RBM42: variants seen among roughly 807,000 people sequenced by gnomAD.
The protein encoded by RBM42 is RNA binding motif protein 42.
Under a neutral mutation model 41.4 loss-of-function variants are expected in RBM42, and 21 were observed. The observed-to-expected ratio is 0.51, with a 90% CI of 0.36 to 0.73. RBM42 has a LOEUF of 0.73. Among genes scored for constraint, RBM42 ranks in the 30% least tolerant of loss-of-function variants. The pLI is 0.00. For synonymous variants in RBM42, 272 were observed against 271.2 expected (o/e 1.00, Z -0.03); for missense variants, 539 against 680.4 (o/e 0.79, Z 2.31).
At position 35,634,326 on chromosome 19, in the gene RBM42, C is replaced by T. The variant is rs780567018; in HGVS notation, c.1088C>T (p.Ala363Val). The change falls in exon 8 of 10, where the codon GCG becomes GTG. Residue 363 changes from alanine (A) to valine (V), a missense_variant. By Grantham distance (64) the Ala-to-Val change is moderately conservative (BLOSUM62 0). This residue lies in a region of RBM42 where 110 missense variants were observed against 191.5 expected (regional missense o/e 0.57). Transcript: ENST00000262633. ...PEKLKRCIRT[A>V]AGSSWEDPSL... Reference sequence around the variant, plus strand: ...AAATTGAAACGGTGCATTCGCACAGCGGCAGGGAGCAGCTGGGAGGACCCC... The same window carrying T: ...AAATTGAAACGGTGCATTCGCACAGTGGCAGGGAGCAGCTGGGAGGACCCC... The T allele has an allele frequency of 1.3e-5, 21 of 1,614,010 alleles. No homozygotes were observed. The highest frequency in any genetic ancestry group is 4.5e-5 in the East Asian group (2 of 44,882).
chr19:35,631,593 CA>C (rs2146349480), intron 4 of RBM42, 188 bp downstream of exon 4: 1 of 608,332 alleles, frequency 1.6e-6, no homozygotes, highest in African/African-American at 1.8e-5. Flanking sequence ...CTGATCATTG[CA>C]AACCAACCCT....
chr19:35,636,120 C>A (rs1201875920), intron 8 of RBM42, among the ~76,000 whole-genome samples: 2 of 151,760 alleles, frequency 1.3e-5, no homozygotes, highest in Non-Finnish European at 2.9e-5. Flanking sequence ...TTGGGCAAGT[C>A]ACTTAGCCTG....
At position 35,633,145 on chromosome 19, in the gene RBM42, G is replaced by A. The variant is rs778969715; in HGVS notation, c.577G>A (p.Val193Met). Residue 193 changes from valine to methionine, a missense_variant, in exon 6 of 10, where the codon GTG becomes ATG. Coordinates refer to ENST00000262633, the MANE Select transcript of RBM42 (RefSeq NM_024321.5). The stretch of plus-strand genomic sequence containing the variant: ...CCTACGGCCCCCTCACCAGGCCCTC[G>A]TGGGCCCCCCTCTGCCTGGGCCCCC... ...MALRPPHQAL[V>M]GPPLPGPPGP... 1.2e-5 allele frequency: 19 copies of A among 1,576,014 alleles called. No individual in the cohort carries two copies. The highest frequency in any genetic ancestry group is 5.0e-5 in the Admixed American group (3 of 59,878).
In RBM42 at chr19:35,633,032, A is replaced by G. The variant is rs373027340; in HGVS notation, c.508+31A>G. 3.1e-6 allele frequency: 5 copies of G among 1,601,556 alleles called. No individual in the cohort carries two copies. In the African/African-American group the frequency reaches 4.0e-5, roughly 13 times the overall value. On this transcript the variant is annotated intron_variant, in intron 5 of 9. Transcript: ENST00000262633. Reference sequence around the variant, plus strand: ...GGGCCAGGGTCATCATCCCTGCCACATAACTCCCCCCAGGCCCTGGAACTC... The same window carrying G: ...GGGCCAGGGTCATCATCCCTGCCACGTAACTCCCCCCAGGCCCTGGAACTC...
intron 8 of RBM42, 96 bp downstream of exon 8, chr19:35,634,469 T>C: frequency 1.2e-6 from 1 of 837,896 alleles, no homozygotes; most frequent in East Asian, 2.5e-5. Context: ...ACCCTCTCAG[T>C]AGGGTGGGCG....
Position 35,633,979 on chromosome 19 carries a change from C to T in RBM42, c.977C>T (p.Pro326Leu). The change falls in exon 7 of 10, where the codon CCC (proline) becomes CTC (leucine). Residue 326 changes from proline (P) to leucine (L), a missense_variant. Physicochemically the swap from Pro to Leu is moderately conservative, Grantham distance 98. Around this residue, in one of 2 missense-constraint regions of RBM42, gnomAD observed 429 missense variants for 488.9 expected, o/e 0.88. Transcript: ENST00000262633. ...ELLSLRPRPRPPRPEPPPGLM... is the reference protein window; with the variant it reads ...ELLSLRPRPRLPRPEPPPGLM... ...CTGTCCCTGCGTCCTCGGCCCCGGC[C>T]CCCTCGGCCAGAGCCACCCCCAGGC... 4 of 1,537,938 alleles carry T rather than the reference C, an allele frequency of 2.6e-6. No homozygotes were observed. The highest frequency in any genetic ancestry group is 2.6e-6 in the Non-Finnish European group (3 of 1,147,562).
At chr19:35,636,160 T>C (rs1175250164) in intron 8 of RBM42, among the ~76,000 whole-genome samples, 2 of 151,184 alleles carry the variant, frequency 1.3e-5, no homozygotes, top group African/African-American at 4.9e-5. Context: ...TTTGTTTTTT[T>C]TTTTTTTCTT....
In RBM42 at chr19:35,634,062, G is replaced by A. The variant is rs199770280; in HGVS notation, c.1017+43G>A. 106 of 1,468,546 alleles carry A rather than the reference G, an allele frequency of 7.2e-5. No homozygotes were observed. The East Asian group carries it at 2.5e-3, about 34-fold the overall frequency. The allele number at this position is 1,468,546 out of a possible 1,614,324, so 91.0% of individuals were successfully genotyped here. The stretch of plus-strand genomic sequence containing the variant: ...CGGTGAAGGGACAGAAGGGACGGGG[G>A]GCAGACAGGAGCCCAGGAACTTCCA... On this transcript the variant is annotated intron_variant, in intron 7 of 9. Transcript: ENST00000262633.
intron 2 of RBM42, 42 bp downstream of exon 2, chr19:35,629,715 C>A: frequency 6.2e-7 from 1 of 1,606,902 alleles, no homozygotes; most frequent in Non-Finnish European, 8.5e-7. Context: ...AACACAATGC[C>A]TCGAACAGAG....
At chr19:35,630,965 A>G (rs181185046) in intron 2 of RBM42, among the ~76,000 whole-genome samples, 175 bp from the exon 3 acceptor site, 60 of 151,576 alleles carry the variant, frequency 4.0e-4, no homozygotes, top group African/African-American at 1.4e-3. Flanking sequence ...TGCTGCTCAG[A>G]GAGCCCTAGT....
Position 35,637,332 on chromosome 19 carries a change from G to A in RBM42, c.1310G>A (p.Arg437His), listed in dbSNP as rs774124915. 13 of 1,614,104 alleles carry A rather than the reference G, an allele frequency of 8.1e-6. No individual in the cohort carries two copies. The highest frequency in any genetic ancestry group is 2.7e-5 in the African/African-American group (2 of 74,944). ...VSFKDPSDYV[R>H]AMREMNGKYV... is the part of the protein sequence containing the mutation. ...TTCAAGGACCCCAGCGACTACGTGCGCGCCATGCGTGAGATGAATGGTGGG... is the reference window on the plus strand; with the variant it reads ...TTCAAGGACCCCAGCGACTACGTGCACGCCATGCGTGAGATGAATGGTGGG... The change falls in exon 9 of 10, where the codon CGC (arginine) becomes CAC (histidine). Residue 437 changes from arginine to histidine, a missense_variant. Coordinates refer to ENST00000262633, the MANE Select transcript of RBM42 (RefSeq NM_024321.5). The surrounding 1 kb of genome is among the most constrained non-coding windows in gnomAD (Gnocchi z 7.0).
Position 35,633,995 on chromosome 19 carries a change from A to C in RBM42, c.993A>C (p.Pro331=). The C allele has an allele frequency of 6.6e-7, 1 of 1,526,166 alleles. No individual in the cohort carries two copies. The highest frequency in any genetic ancestry group is 8.8e-7 in the Non-Finnish European group (1 of 1,141,828). The allele number at this position is 1,526,166 out of a possible 1,614,324, so 94.5% of individuals were successfully genotyped here. The change falls in exon 7 of 10, where the codon CCA becomes CCC. Residue 331 remains proline, a synonymous_variant. Coordinates refer to ENST00000262633, the MANE Select transcript of RBM42 (RefSeq NM_024321.5). The part of the protein sequence containing the change: ...RPRPRPPRPE[P]PPGLMALEVP... ...GGCCCCGGCCCCCTCGGCCAGAGCC[A>C]CCCCCAGGCCTCATGGCTCTTGAGG... is the stretch of plus-strand genomic sequence containing the variant.
chr19:35,632,240 C>G (rs1472983740), intron 4 of RBM42, among the ~76,000 whole-genome samples: 1 of 152,098 alleles, frequency 6.6e-6, no homozygotes, highest in Non-Finnish European at 1.5e-5. Context: ...ACCTACTTCC[C>G]CTGCCCAGCT....
In RBM42 at chr19:35,629,081, G is replaced by GA. The variant is rs1967357236; in HGVS notation, c.-72dup. ...TCGGGAGCCCACCCGGACGAAGGGG[G>GA]AGAGTAGACAGCAGAACCAGCGGCG... On this transcript the variant is annotated 5_prime_UTR_variant, in exon 1 of 10. Coordinates refer to ENST00000262633, the MANE Select transcript of RBM42 (RefSeq NM_024321.5). 27 of 1,462,208 alleles carry GA rather than the reference G, an allele frequency of 1.8e-5. No homozygotes were observed. The highest frequency in any genetic ancestry group is 2.3e-5 in the Non-Finnish European group (25 of 1,110,198). The allele number at this position is 1,462,208 out of a possible 1,614,324, so 90.6% of individuals were successfully genotyped here.
Position 35,633,683 on chromosome 19 carries a change from A to T in RBM42, c.685-4A>T, listed in dbSNP as rs2146351451. On this transcript the variant is annotated splice_region_variant and splice_polypyrimidine_tract_variant and intron_variant, in intron 6 of 9. Coordinates refer to ENST00000262633, the MANE Select transcript of RBM42 (RefSeq NM_024321.5). ...CCCCCCTCATGCTCTCCTCTTACCC[A>T]CAGGAAGAGCCAGCAGCACCCCGAG... The T allele has an allele frequency of 6.9e-7, 1 of 1,443,768 alleles. No individual in the cohort carries two copies. The highest frequency in any genetic ancestry group is 2.7e-5 in the East Asian group (1 of 37,504). The allele number at this position is 1,443,768 out of a possible 1,614,324, so 89.4% of individuals were successfully genotyped here. A position where few individuals can be genotyped will look rare whatever the true frequency, so the allele number is the denominator to read the frequency against.
At chr19:35,629,438 G>A in intron 1 of RBM42, 82 bp from the exon 2 acceptor site, 3 of 1,575,988 alleles carry the variant, frequency 1.9e-6, no homozygotes, top group African/African-American at 2.7e-5. Flanking sequence ...GGTTGGCAGG[G>A]GTGAGGGTCC....
intron 6 of RBM42, among the ~76,000 whole-genome samples, chr19:35,633,475 C>T (rs1404549927): frequency 6.6e-6 from 1 of 152,244 alleles, no homozygotes; most frequent in African/African-American, 2.4e-5. Flanking sequence ...TGGAATATTT[C>T]TCTTTTGATT....
At chr19:35,632,914 C>G in intron 4 of RBM42, 22 bp from the exon 5 acceptor site, 1 of 1,139,654 alleles carries the variant, frequency 8.8e-7, no homozygotes, top group Non-Finnish European at 1.3e-6. Flanking sequence ...ATGACACACA[C>G]CCCCATCTCT....
At chr19:35,631,592 GC>G (rs1967407171) in intron 4 of RBM42, 187 bp downstream of exon 4, 2 of 612,198 alleles carry the variant, frequency 3.3e-6, no homozygotes. Flanking sequence ...CCTGATCATT[GC>G]AAACCAACCC....
Sources: gnomAD v4.1 joint callset for allele counts (sites outside exome capture counted in the v4.1 genomes callset) on GRCh38, gnomAD v4.1.1 for gene constraint, gnomAD v4.1.1 regional missense constraint, Gnocchi (gnomAD v3.1) non-coding constraint, MANE v1.5 for transcripts, NCBI Gene and HGNC (gene_info 2026-07-23, HGNC 2026-07-21) for gene names.